The following TTC1 variants were observed in gnomAD, a reference collection of about 807,000 sequenced individuals.
TTC1 encodes tetratricopeptide repeat protein 1.
Under a neutral mutation model 37.6 loss-of-function variants are expected in TTC1, and 31 were observed. The ratio of observed to expected loss-of-function variants is 0.82; its 90% CI spans 0.62 to 1.11. The LOEUF is 1.11. TTC1 is among the 50% of genes most tolerant of loss of function. The pLI is 0.00. For synonymous variants in TTC1, 127 were observed against 122.4 expected (o/e 1.04, Z -0.25); for missense variants, 351 against 339.0 (o/e 1.04, Z -0.28).
At chr5:160,053,035 G>C (rs1008308743) in intron 7 of TTC1, among the ~76,000 whole-genome samples, 1 of 152,130 alleles carries the variant, frequency 6.6e-6, no homozygotes, top group African/African-American at 2.4e-5. Context: ...CCCCACAATA[G>C]ATAACCTAGA....
chr5:160,063,383 T>C (rs1753491627), intron 7 of TTC1, among the ~76,000 whole-genome samples: 2 of 152,156 alleles, frequency 1.3e-5, no homozygotes, highest in African/African-American at 4.8e-5. Context: ...ACCTAGCTAA[T>C]TTTTAAATTT....
In TTC1 at chr5:160,010,815, A is replaced by T. The variant is rs747627523; in HGVS notation, c.287A>T (p.Tyr96Phe). 1 of 1,613,242 alleles carries T rather than the reference A, an allele frequency of 6.2e-7. No homozygotes were observed. Among genetic ancestry groups the T allele is most frequent in the Non-Finnish European group, 8.5e-7 (1 of 1,179,476 alleles). ...DVNSSELDEE[Y>F]LIELEKNMSD... ...AATTCCTCTGAACTAGATGAAGAAT[A>T]CCTAATAGAACTGGAAAAAAACATG... The change falls in exon 2 of 8, where the codon TAC (tyrosine) becomes TTC (phenylalanine). Residue 96 changes from tyrosine to phenylalanine, a missense_variant. Physicochemically the swap from Tyr to Phe is conservative, Grantham distance 22. Coordinates refer to ENST00000231238, the MANE Select transcript of TTC1 (RefSeq NM_003314.3).
chr5:160,017,754 A>G (rs1042232864), intron 2 of TTC1, among the ~76,000 whole-genome samples: 9 of 152,204 alleles, frequency 5.9e-5, no homozygotes, highest in African/African-American at 1.9e-4. Flanking sequence ...ATCTTCCTTC[A>G]TTAAATAGCT....
intron 7 of TTC1, among the ~76,000 whole-genome samples, chr5:160,060,761 T>C (rs1753358526): frequency 6.6e-6 from 1 of 152,262 alleles, no homozygotes; most frequent in Admixed American, 6.5e-5. Context: ...GTTGCTTCTC[T>C]GTCATCGGCA....
At position 160,064,939 on chromosome 5, in the gene TTC1, A is replaced by C. The variant is rs778154739; in HGVS notation, c.753A>C (p.Leu251Phe). 6.2e-7 allele frequency: 1 copy of C among 1,606,932 alleles called. No homozygotes were observed. Residue 251 changes from leucine (L) to phenylalanine (F), a missense_variant, in exon 8 of 8, where the codon TTA (leucine) becomes TTC (phenylalanine). Coordinates refer to ENST00000231238, the MANE Select transcript of TTC1 (RefSeq NM_003314.3). The part of the protein sequence containing the change: ...ERLKEEMLGK[L>F]KDLGNLVLRP... ...TTTGCTTTTACATTACAGGTAAATT[A>C]AAAGATCTTGGGAACTTGGTTCTCC...
At chr5:160,023,198 A>G (rs1334404486) in intron 2 of TTC1, among the ~76,000 whole-genome samples, 1 of 151,804 alleles carries the variant, frequency 6.6e-6, no homozygotes, top group Non-Finnish European at 1.5e-5. Flanking sequence ...GGAGGTTGCA[A>G]TGAACTGAGA....
intron 4 of TTC1, among the ~76,000 whole-genome samples, chr5:160,040,395 G>C (rs1757067538): frequency 1.3e-5 from 2 of 152,050 alleles, no homozygotes; most frequent in South Asian, 4.1e-4. Flanking sequence ...CACTACTGTA[G>C]ACTTCATAAA....
intron 2 of TTC1, among the ~76,000 whole-genome samples, chr5:160,022,977 C>T (rs939750102): frequency 4.6e-5 from 7 of 152,044 alleles, no homozygotes; most frequent in African/African-American, 1.7e-4. Context: ...CAAAATTGGC[C>T]GGGTGCAGTG....
intron 7 of TTC1, among the ~76,000 whole-genome samples, chr5:160,054,033 A>C (rs1156950153): frequency 1.3e-4 from 20 of 152,188 alleles, no homozygotes; most frequent in Admixed American, 1.3e-3. Flanking sequence ...CAAGACGATC[A>C]CTTGAGGAAA....
rs190585448 is a variant in TTC1 at position 160,011,439 on chromosome 5, A to G, written c.330+581A>G. Among the ~76,000 whole-genome samples the G allele has an allele frequency of 2.8e-3, 424 of 152,336 alleles. 4 individuals are homozygous for G. The highest frequency in any genetic ancestry group is 9.8e-3 in the African/African-American group (408 of 41,570). The stretch of plus-strand genomic sequence containing the variant: ...TTGTGTTTTCATTAATCATCACAAC[A>G]TGCCTATGAGATACATACTGTTATT... On this transcript the variant is annotated intron_variant, in intron 2 of 7. Transcript: ENST00000231238.
At chr5:160,055,841 T>A (rs1757531868) in intron 7 of TTC1, among the ~76,000 whole-genome samples, 1 of 152,246 alleles carries the variant, frequency 6.6e-6, no homozygotes, top group African/African-American at 2.4e-5. Context: ...CTTCTTTGTG[T>A]TGTAGCTGCA....
intron 6 of TTC1, 85 bp downstream of exon 6, chr5:160,049,747 A>G: frequency 8.6e-7 from 1 of 1,164,106 alleles, no homozygotes; most frequent in Non-Finnish European, 1.2e-6. Context: ...TTCAGACACA[A>G]TTAAATTCCA....
chr5:160,061,302 C>T (rs1183844946), intron 7 of TTC1, among the ~76,000 whole-genome samples: 1 of 152,222 alleles, frequency 6.6e-6, no homozygotes, highest in Non-Finnish European at 1.5e-5. Context: ...TTCTTTCCTC[C>T]ACCCCTTTCC....
At chr5:160,023,402 C>T (rs1756746692) in intron 2 of TTC1, among the ~76,000 whole-genome samples, 1 of 151,252 alleles carries the variant, frequency 6.6e-6, no homozygotes, top group South Asian at 2.1e-4. Flanking sequence ...AGTGATCCTT[C>T]CCCCTCAGCC....
At chr5:160,044,234 C>T (rs1278030369) in intron 5 of TTC1, among the ~76,000 whole-genome samples, 1 of 152,170 alleles carries the variant, frequency 6.6e-6, no homozygotes, top group Non-Finnish European at 1.5e-5. Flanking sequence ...TATTCCCCTG[C>T]TGTTACCAAA....
At chr5:160,040,858 C>CT (rs1235154880) in intron 4 of TTC1, among the ~76,000 whole-genome samples, 3 of 151,970 alleles carry the variant, frequency 2.0e-5, no homozygotes, top group African/African-American at 7.3e-5. Context: ...GGTCCTCCTG[C>CT]TTTAGCCTCC....
chr5:160,019,190 G>A (rs1232963474), intron 2 of TTC1, among the ~76,000 whole-genome samples: 1 of 152,138 alleles, frequency 6.6e-6, no homozygotes. Flanking sequence ...CTGTTGCTTG[G>A]TGAACATGGA....
intron 2 of TTC1, among the ~76,000 whole-genome samples, chr5:160,032,357 T>A (rs1330261803): frequency 6.6e-6 from 1 of 152,242 alleles, no homozygotes; most frequent in East Asian, 1.9e-4. Context: ...AACCCCTCTC[T>A]AAAGAATTTG....
At chr5:160,052,098 C>T (rs1046765546) in intron 7 of TTC1, among the ~76,000 whole-genome samples, 5 of 152,200 alleles carry the variant, frequency 3.3e-5, no homozygotes, top group African/African-American at 7.2e-5. Flanking sequence ...TGGCCCCTGC[C>T]GGGTAGACTC....
Sources: gnomAD v4.1 joint callset for allele counts (sites outside exome capture counted in the v4.1 genomes callset) on GRCh38, gnomAD v4.1.1 for gene constraint, MANE v1.5 for transcripts, NCBI Gene and HGNC (gene_info 2026-07-23, HGNC 2026-07-21) for gene names.